TTC32: variants seen among roughly 807,000 people sequenced by gnomAD.
The protein encoded by TTC32 is tetratricopeptide repeat protein 32.
TTC32 carries 16 observed loss-of-function variants against 15.3 expected under a neutral mutation model. The ratio of observed to expected loss-of-function variants is 1.05; its 90% CI spans 0.71 to 1.59. The LOEUF is 1.59. Ranked by LOEUF, TTC32 falls within the 40% of genes most tolerant of loss-of-function variation. The pLI, the probability that TTC32 is intolerant of heterozygous loss-of-function variation, is 0.00. For missense variants in TTC32, 188 were observed against 181.9 expected, an observed-to-expected ratio of 1.03 and a Z score of -0.19; for synonymous variants, 89 against 67.8, an observed-to-expected ratio of 1.31 and a Z score of -1.53.
chr2:19,901,561 A>G, intron 1 of TTC32, 145 bp downstream of exon 1: 1 of 1,176,382 alleles, frequency 8.5e-7, no homozygotes, highest in Non-Finnish European at 1.2e-6. Context: ...GCCTTTCTAG[A>G]AAGACGAACG....
At chr2:19,897,468 C>G (rs909768183) in intron 2 of TTC32, among the ~76,000 whole-genome samples, 1 of 152,178 alleles carries the variant, frequency 6.6e-6, no homozygotes, top group African/African-American at 2.4e-5. Context: ...CTTTTTGACA[C>G]TTTAAATGAA....
chr2:19,901,746 G>A lies in TTC32; in HGVS notation c.109C>T (p.Arg37Trp), dbSNP rs138752655. 104 of 1,613,382 alleles carry A rather than the reference G, an allele frequency of 6.4e-5. No individual in the cohort carries two copies. The highest frequency in any genetic ancestry group is 1.2e-4 in the African/African-American group (9 of 74,932). ...TCGCTGGAGGCCGCGCAAGCGCACC[G>A]GCGAATGTAAGCGGAGTACAGTGCC... Reference protein sequence around the residue: ...AEALYSAYIRRCACAASSDES... With the variant: ...AEALYSAYIRWCACAASSDES... The change falls in exon 1 of 3, where the codon CGG (arginine) becomes TGG (tryptophan). Residue 37 changes from arginine (R) to tryptophan (W), a missense_variant. Coordinates refer to ENST00000333610, the MANE Select transcript of TTC32 (RefSeq NM_001008237.3).
chr2:19,898,169 G>A, intron 1 of TTC32, 134 bp from the exon 2 acceptor site: 1 of 786,968 alleles, frequency 1.3e-6, no homozygotes, highest in African/African-American at 1.8e-5. Flanking sequence ...CCAAGCTGAA[G>A]AAAAAACGTA....
intron 1 of TTC32, 21 bp from the exon 2 acceptor site, chr2:19,898,056 T>C: frequency 6.8e-7 from 1 of 1,473,546 alleles, no homozygotes; most frequent in Non-Finnish European, 9.1e-7. Context: ...AAAGTTCACA[T>C]TAAAAACACC....
intron 1 of TTC32, chr2:19,900,976 GAT>G: frequency 2.4e-6 from 1 of 421,940 alleles, no homozygotes; most frequent in Non-Finnish European, 4.9e-6. Context: ...AAAAAGACTT[GAT>G]GTGTATCCTG....
In TTC32 at chr2:19,898,371, C is replaced by G. The variant is rs1045745439; in HGVS notation, c.150-336G>C. On this transcript the variant is annotated intron_variant, in intron 1 of 2. Coordinates refer to ENST00000333610, the MANE Select transcript of TTC32 (RefSeq NM_001008237.3). ...CACCAGCAGGGCAAAGAAGACAGAA[C>G]AGATAAATACTAAGCAAAGAGGGAA... is the stretch of plus-strand genomic sequence containing the variant. 6 of 184,346 alleles carry G rather than the reference C, an allele frequency of 3.3e-5. No individual in the cohort carries two copies. The East Asian group carries it at 4.1e-4, about 13-fold the overall frequency. The allele number at this position is 184,346 out of a possible 1,614,324, so 11.4% of individuals were successfully genotyped here. A position where few individuals can be genotyped will look rare whatever the true frequency, so the allele number is the denominator to read the frequency against.
chr2:19,897,951 C>G lies in TTC32; in HGVS notation c.234G>C (p.Met78Ile). The G allele has an allele frequency of 6.2e-7, 1 of 1,612,560 alleles. No homozygotes were observed. Among genetic ancestry groups the G allele is most frequent in the Middle Eastern group, 1.7e-4 (1 of 6,052 alleles). ...KYFRVDFYEAMDDYTSAIEVQ... is the reference protein window; with the variant it reads ...KYFRVDFYEAIDDYTSAIEVQ... ...CTTCTATGGCAGATGTGTAGTCATC[C>G]ATGGCTTCATAAAAATCAACCCTGA... The change falls in exon 2 of 3, where the codon ATG (methionine) becomes ATC (isoleucine). Residue 78 changes from methionine (M) to isoleucine (I), a missense_variant. Met to Ile is a conservative substitution (Grantham distance 10). Transcript: ENST00000333610.
intron 1 of TTC32, 111 bp downstream of exon 1, chr2:19,901,594 TG>T: frequency 7.1e-7 from 1 of 1,412,890 alleles, no homozygotes. Flanking sequence ...GTCCTAGTGC[TG>T]GGTTATGACA....
rs985659411 is a variant in TTC32 at position 19,898,211 on chromosome 2, A to G, written c.150-176T>C. ...AAGAGCTAAAATCAATTTTTGTTTA[A>G]CCCTGTTATCTACTTTTGTAGGGTT... On this transcript the variant is annotated intron_variant, in intron 1 of 2. Transcript: ENST00000333610. 35 of 545,342 alleles carry G rather than the reference A, an allele frequency of 6.4e-5. 1 individual carries two copies. The highest frequency in any genetic ancestry group is 9.6e-5 in the Non-Finnish European group (31 of 324,178). The allele number at this position is 545,342 out of a possible 1,614,324, so 33.8% of individuals were successfully genotyped here.
chr2:19,901,574 C>G (rs1337532529), intron 1 of TTC32, 132 bp downstream of exon 1: 1 of 1,266,636 alleles, frequency 7.9e-7, no homozygotes, highest in Non-Finnish European at 1.1e-6. Flanking sequence ...GACGAACGTC[C>G]GCCCGCTCAG....
chr2:19,901,661 G>A (rs370202958), intron 1 of TTC32, 45 bp downstream of exon 1: 6 of 1,587,390 alleles, frequency 3.8e-6, no homozygotes, highest in East Asian at 2.2e-5. Context: ...CCCCAACGTC[G>A]CCTCCACCCG....
At position 19,901,626 on chromosome 2, in the gene TTC32, G is replaced by A. The variant is rs1669605632; in HGVS notation, c.149+80C>T. The A allele has an allele frequency of 1.1e-5, 17 of 1,526,976 alleles. No homozygotes were observed. The East Asian group carries it at 2.9e-4, about 26-fold the overall frequency. The allele number at this position is 1,526,976 out of a possible 1,614,324, so 94.6% of individuals were successfully genotyped here. ...TGACAAGCGCCGACCGTGAGCTCCA[G>A]AGGCAAAGATAGGAGCCCAAACAAC... is the stretch of plus-strand genomic sequence containing the variant. On this transcript the variant is annotated intron_variant, in intron 1 of 2. Coordinates refer to ENST00000333610, the MANE Select transcript of TTC32 (RefSeq NM_001008237.3).
intron 1 of TTC32, among the ~76,000 whole-genome samples, chr2:19,900,306 C>T (rs1325792225): frequency 6.6e-6 from 1 of 152,166 alleles, no homozygotes; most frequent in East Asian, 1.9e-4. Context: ...GGGAGGTGCA[C>T]TGAGGAAAGT....
Position 19,897,972 on chromosome 2 carries a change from C to G in TTC32, c.213G>C (p.Arg71Ser), listed in dbSNP as rs369715722. ...CATCCATGGCTTCATAAAAATCAAC[C>G]CTGAAGTACTTGATTTGCCCCCTGT... ...YNNRGQIKYFRVDFYEAMDDY... is the reference protein window; with the variant it reads ...YNNRGQIKYFSVDFYEAMDDY... Residue 71 changes from arginine to serine, a missense_variant, in exon 2 of 3, where the codon AGG becomes AGC. Physicochemically the swap from Arg to Ser is moderately radical, Grantham distance 110 (BLOSUM62 -1). Coordinates refer to ENST00000333610, the MANE Select transcript of TTC32 (RefSeq NM_001008237.3). 6.2e-7 allele frequency: 1 copy of G among 1,610,306 alleles called. No homozygotes were observed. The highest frequency in any genetic ancestry group is 2.2e-5 in the East Asian group (1 of 44,808).
chr2:19,898,256 C>T, intron 1 of TTC32: 1 of 398,976 alleles, frequency 2.5e-6, no homozygotes, highest in South Asian at 6.6e-5. Context: ...CAATGTCAAC[C>T]TGAAAAGCAT....
At position 19,897,015 on chromosome 2, in the gene TTC32, T is replaced by C; in HGVS notation, c.428A>G (p.Gln143Arg). The change falls in exon 3 of 3, where the codon CAA becomes CGA. Residue 143 changes from glutamine to arginine, a missense_variant. Coordinates refer to ENST00000333610, the MANE Select transcript of TTC32 (RefSeq NM_001008237.3). ...ATAATTTTTTGCAACATTTCTTCTTTGTTTTTCTTCTTTGTCTAGAATAGT... is the reference window on the plus strand; with the variant it reads ...ATAATTTTTTGCAACATTTCTTCTTCGTTTTTCTTCTTTGTCTAGAATAGT... ...KQTILDKEEKQRRNVAKNY is the reference protein window; with the variant it reads ...KQTILDKEEKRRRNVAKNY 1.3e-6 allele frequency: 2 copies of C among 1,586,318 alleles called. No individual in the cohort carries two copies.
At chr2:19,900,227 G>A (rs1395975536) in intron 1 of TTC32, among the ~76,000 whole-genome samples, 1 of 152,124 alleles carries the variant, frequency 6.6e-6, no homozygotes, top group African/African-American at 2.4e-5. Context: ...AAATCTACTA[G>A]GTAAGTCTAC....
chr2:19,901,782 C>G lies in TTC32; in HGVS notation c.73G>C (p.Ala25Pro), dbSNP rs750685116. The G allele has an allele frequency of 3.1e-6, 5 of 1,614,218 alleles. No individual in the cohort carries two copies. The East Asian group carries it at 1.1e-4, about 36-fold the overall frequency. ...GCGGAGTACAGTGCCTCGGCCTCCGCGTACTCTCCATTGTTGAAATGAGCC... is the reference window on the plus strand; with the variant it reads ...GCGGAGTACAGTGCCTCGGCCTCCGGGTACTCTCCATTGTTGAAATGAGCC... ...AQAHFNNGEYAEAEALYSAYI... is the reference protein window; with the variant it reads ...AQAHFNNGEYPEAEALYSAYI... The change falls in exon 1 of 3, where the codon GCG (alanine) becomes CCG (proline). Residue 25 changes from alanine (A) to proline (P), a missense_variant. Coordinates refer to ENST00000333610, the MANE Select transcript of TTC32 (RefSeq NM_001008237.3).
chr2:19,899,845 T>G (rs193127833), intron 1 of TTC32, among the ~76,000 whole-genome samples: 271 of 152,208 alleles, frequency 1.8e-3, no homozygotes, highest in Middle Eastern at 6.8e-3. Flanking sequence ...AAATTGCAAA[T>G]ATTGTTTCAA....
Sources: allele counts gnomAD v4.1 joint callset (sites outside exome capture counted in the v4.1 genomes callset), GRCh38; gene constraint gnomAD v4.1.1; transcripts MANE v1.5; gene names NCBI Gene and HGNC (gene_info 2026-07-23, HGNC 2026-07-21).